CUX1: variants seen among roughly 807,000 people sequenced by gnomAD.
CUX1 encodes protein CASP.
A neutral mutation model predicts 158.8 loss-of-function variants in CUX1; 31 were observed. The ratio of observed to expected loss-of-function variants is 0.20; its 90% CI spans 0.15 to 0.26. The LOEUF (loss-of-function observed/expected upper bound fraction) is 0.26, where lower values mean the gene tolerates loss of function less well. Among genes scored for constraint, CUX1 ranks in the 10% least tolerant of loss-of-function variants. The pLI is 1.00. For missense variants in CUX1, 1,589 were observed against 2,014.6 expected (o/e 0.79, Z 4.04); for synonymous variants, 879 against 862.1 (o/e 1.02, Z -0.34).
At chr7:102,064,224 G>A (rs539593005) in intron 3 of CUX1, among the ~76,000 whole-genome samples, 1 of 151,996 alleles carries the variant, frequency 6.6e-6, no homozygotes, top group Admixed American at 6.5e-5. Flanking sequence ...GTCTGTGTGA[G>A]AGTGTGTGTG....
At chr7:102,195,886 A>C (rs1794754449) in intron 14 of CUX1, among the ~76,000 whole-genome samples, 1 of 152,148 alleles carries the variant, frequency 6.6e-6, no homozygotes, top group South Asian at 2.1e-4. Flanking sequence ...GACAGCTCGG[A>C]GGACGTCGGC....
intron 20 of CUX1, among the ~76,000 whole-genome samples, chr7:102,218,208 T>C (rs1440717365): frequency 6.6e-6 from 1 of 152,326 alleles, no homozygotes; most frequent in Non-Finnish European, 1.5e-5. Flanking sequence ...GCCTCCCGCT[T>C]TGGTTACAAG....
At position 102,251,279 on chromosome 7, in the gene CUX1, A is replaced by G; in HGVS notation, c.*2237A>G. ...GGGAGGGAGTTATAATTTTAAAGGTATGCTCTGGCTGTTCCACCTCCGTGT... is the reference window on the plus strand; with the variant it reads ...GGGAGGGAGTTATAATTTTAAAGGTGTGCTCTGGCTGTTCCACCTCCGTGT... On this transcript the variant is annotated 3_prime_UTR_variant, in exon 24 of 24. Transcript: ENST00000292535. 1 of 985,036 alleles carries G rather than the reference A, an allele frequency of 1.0e-6. No homozygotes were observed. Among genetic ancestry groups the G allele is most frequent in the Non-Finnish European group, 1.2e-6 (1 of 829,778 alleles). The allele number at this position is 985,036 out of a possible 1,614,324, so 61.0% of individuals were successfully genotyped here.
intron 5 of CUX1, among the ~76,000 whole-genome samples, chr7:102,100,026 T>C (rs1396177799): frequency 2.0e-5 from 3 of 152,058 alleles, no homozygotes; most frequent in Non-Finnish European, 4.4e-5. Flanking sequence ...ACGCCTATAA[T>C]CCCAGCACTT....
intron 1 of CUX1, among the ~76,000 whole-genome samples, chr7:101,844,797 G>A (rs1488233195): frequency 6.6e-6 from 1 of 151,602 alleles, no homozygotes; most frequent in Non-Finnish European, 1.5e-5. Flanking sequence ...TGTATTTTTA[G>A]TAGAGACAGG....
At chr7:101,868,795 G>C (rs570748838) in intron 1 of CUX1, among the ~76,000 whole-genome samples, 1 of 152,248 alleles carries the variant, frequency 6.6e-6, no homozygotes, top group Non-Finnish European at 1.5e-5. Flanking sequence ...ACCCTCTGAC[G>C]TGGGAGTTAA....
chr7:101,840,060 C>T (rs1293638563), intron 1 of CUX1, among the ~76,000 whole-genome samples: 3 of 152,128 alleles, frequency 2.0e-5, no homozygotes, highest in Non-Finnish European at 2.9e-5. Context: ...CCACGCTGGC[C>T]GTTATAGTTT....
At chr7:102,274,320 G>A (rs782402424) in intron 16 of CUX1, 1 of 1,611,388 alleles carries the variant, frequency 6.2e-7, no homozygotes, top group East Asian at 2.2e-5. Context: ...GGTAAGGAGA[G>A]GCCTGACCCA....
intron 1 of CUX1, among the ~76,000 whole-genome samples, chr7:101,865,172 T>C (rs1797823509): frequency 6.6e-6 from 1 of 152,186 alleles, no homozygotes; most frequent in South Asian, 2.1e-4. Flanking sequence ...TGCCCAGTCC[T>C]TCCGCTGACA....
At chr7:101,958,359 CG>C (rs1301922497) in intron 2 of CUX1, among the ~76,000 whole-genome samples, 1 of 100,642 alleles carries the variant, frequency 9.9e-6, no homozygotes, top group Non-Finnish European at 2.1e-5. Flanking sequence ...GATGTGGGCC[CG>C]GCCTGAAGCT....
rs1554542148 is a variant in CUX1, at chr7:102,256,677, C to T, written c.*7635C>T. On this transcript the variant is annotated 3_prime_UTR_variant, in exon 24 of 24. Transcript: ENST00000292535. Reference sequence around the variant, plus strand: ...TGAAGAATGCTCGCTTGAGGAGCTTCAGAGGAATCTTAGCAAAGCCAAGTT... The same window carrying T: ...TGAAGAATGCTCGCTTGAGGAGCTTTAGAGGAATCTTAGCAAAGCCAAGTT... The T allele has an allele frequency of 3.0e-6, 3 of 985,268 alleles. No individual in the cohort carries two copies. The East Asian group carries it at 3.4e-4, about 112-fold the overall frequency. 61.0% of individuals were successfully genotyped at this position (985,268 alleles called of 1,614,324 possible). A position where few individuals can be genotyped will look rare whatever the true frequency, so the allele number is the denominator to read the frequency against.
chr7:101,984,092 ATATATATAT>A lies in CUX1; in HGVS notation c.142-44005_142-43997del, dbSNP rs1813890688. Among the ~76,000 whole-genome samples the A allele has an allele frequency of 2.5e-3, 49 of 19,624 alleles. 4 individuals carry two copies. The highest frequency in any genetic ancestry group is 0.01 in the East Asian group (7 of 674). The allele number at this position is 19,624 out of a possible 152,430, so 12.9% of individuals were successfully genotyped here. On this transcript the variant is annotated intron_variant, in intron 2 of 23. Transcript: ENST00000292535. ...TGTCCCCCCCCAAAAAAAAAAAAAT[ATATATATAT>A]ATATATATATATATATATATATATA...
chr7:101,912,339 G>A (rs993052631), intron 1 of CUX1, among the ~76,000 whole-genome samples: 1 of 151,580 alleles, frequency 6.6e-6, no homozygotes, highest in African/African-American at 2.4e-5. Context: ...GACATAACTC[G>A]CCTCACTTCT....
At chr7:101,851,819 TTTC>T (rs1357796263) in intron 1 of CUX1, among the ~76,000 whole-genome samples, 1 of 135,462 alleles carries the variant, frequency 7.4e-6, no homozygotes, top group Non-Finnish European at 1.5e-5. Flanking sequence ...TTCATTTGTC[TTTC>T]TTCTCTCTTT....
At chr7:101,894,811 G>A (rs1171536873) in intron 1 of CUX1, among the ~76,000 whole-genome samples, 3 of 152,108 alleles carry the variant, frequency 2.0e-5, no homozygotes, top group Non-Finnish European at 4.4e-5. Context: ...CATTTTGGGG[G>A]TTCCTGAAAG....
At chr7:101,855,772 G>A (rs1796721173) in intron 1 of CUX1, among the ~76,000 whole-genome samples, 1 of 151,776 alleles carries the variant, frequency 6.6e-6, no homozygotes. Flanking sequence ...CAGCTACTCG[G>A]GAGGCTGAGG....
intron 2 of CUX1, among the ~76,000 whole-genome samples, chr7:101,939,608 G>C (rs1585040051): frequency 6.6e-6 from 1 of 152,068 alleles, no homozygotes; most frequent in African/African-American, 2.4e-5. Flanking sequence ...GAGGCGGGTG[G>C]ATCGCTTGAG....
At chr7:102,105,913 C>T (rs1830295365) in intron 6 of CUX1, among the ~76,000 whole-genome samples, 2 of 151,816 alleles carry the variant, frequency 1.3e-5, no homozygotes, top group Admixed American at 1.3e-4. Flanking sequence ...AAAAAAGATA[C>T]TGAATTTTAA....
At chr7:102,064,535 C>T (rs936086665) in intron 3 of CUX1, among the ~76,000 whole-genome samples, 1 of 151,894 alleles carries the variant, frequency 6.6e-6, no homozygotes. Flanking sequence ...TTGGCTTGTA[C>T]CTCCAAGGCA....
Sources: allele counts gnomAD v4.1 joint callset (sites outside exome capture counted in the v4.1 genomes callset), GRCh38; gene constraint gnomAD v4.1.1; transcripts MANE v1.5; gene names NCBI Gene and HGNC (gene_info 2026-07-23, HGNC 2026-07-21).